The following KCNH5 variants were observed in gnomAD, a reference collection of about 807,000 sequenced individuals.
The protein encoded by KCNH5 is potassium voltage-gated channel subfamily H member 5.
In KCNH5, 46 loss-of-function variants were observed where a neutral mutation model predicts 96.1. The ratio of observed to expected loss-of-function variants is 0.48; its 90% confidence interval spans 0.38 to 0.61. KCNH5 has a LOEUF of 0.61. Among genes scored for constraint, KCNH5 ranks in the 20% least tolerant of loss-of-function variants. The probability of loss-of-function intolerance (pLI) is 0.00; values close to 1 mark genes in which losing one functional copy is unlikely to be tolerated. For synonymous variants in KCNH5, 439 were observed against 449.8 expected (o/e 0.98, Z 0.30); for missense variants, 907 against 1,225.8 (o/e 0.74, Z 3.88).
intron 6 of KCNH5, among the ~76,000 whole-genome samples, chr14:62,975,886 A>G (rs570898643): frequency 6.6e-6 from 1 of 152,298 alleles, no homozygotes; most frequent in Non-Finnish European, 1.5e-5. Flanking sequence ...GACTTTCAGA[A>G]TCTATACACT....
At chr14:62,893,856 T>C (rs1469314834) in intron 7 of KCNH5, among the ~76,000 whole-genome samples, 1 of 152,218 alleles carries the variant, frequency 6.6e-6, no homozygotes, top group Non-Finnish European at 1.5e-5. Context: ...TCAAACAACA[T>C]TGCATGCTAT....
chr14:62,915,765 T>A (rs1889260830), intron 7 of KCNH5, among the ~76,000 whole-genome samples: 1 of 152,136 alleles, frequency 6.6e-6, no homozygotes, highest in Non-Finnish European at 1.5e-5. Context: ...CTACTTGATA[T>A]TAGGCAGTAC....
intron 7 of KCNH5, among the ~76,000 whole-genome samples, chr14:62,889,534 A>G (rs1888662541): frequency 6.6e-6 from 1 of 152,212 alleles, no homozygotes; most frequent in South Asian, 2.1e-4. Flanking sequence ...AGAGCAGCCG[A>G]TGAGCACATT....
chr14:62,832,326 CT>C (rs11333126), intron 8 of KCNH5, among the ~76,000 whole-genome samples: 68,242 of 151,842 alleles, frequency 0.45, 15,728 homozygotes, highest in South Asian at 0.62. Flanking sequence ...TGTTTGACTA[CT>C]TTAGATACCT....
chr14:62,861,133 C>G (rs1212499516), intron 7 of KCNH5, among the ~76,000 whole-genome samples: 1 of 152,148 alleles, frequency 6.6e-6, no homozygotes, highest in Non-Finnish European at 1.5e-5. Context: ...TTAAAAGATG[C>G]AAAGCTGGAC....
intron 8 of KCNH5, among the ~76,000 whole-genome samples, chr14:62,838,960 A>C (rs1029390187): frequency 4.6e-5 from 7 of 152,156 alleles, no homozygotes; most frequent in African/African-American, 1.4e-4. Flanking sequence ...AGCTCATTTG[A>C]TACTTTAGAA....
chr14:62,848,771 CA>C (rs74791242), intron 8 of KCNH5, among the ~76,000 whole-genome samples: 15,316 of 145,966 alleles, frequency 0.1, 1,053 homozygotes, highest in East Asian at 0.3. Flanking sequence ...GTTAAAAGAA[CA>C]AAAAAAAAAA....
In KCNH5 at chr14:62,743,682, C is replaced by T. The variant is rs562596999; in HGVS notation, c.2020-35227G>A. ...TTTATATACAAACCCCCTGCTGGGC[C>T]TCACAGCTGAGGCCAGCAAGGTCCT... On this transcript the variant is annotated intron_variant, in intron 10 of 10. Transcript: ENST00000322893. Among the ~76,000 whole-genome samples the T allele has an allele frequency of 2.6e-5, 4 of 152,218 alleles. No homozygotes were observed. The East Asian group carries it at 7.7e-4, about 29-fold the overall frequency.
chr14:62,950,405 A>G lies in KCNH5; in HGVS notation c.1097T>C (p.Ile366Thr). ...CTCGTAGTCTCCGATGCTATACCAT[A>G]TGCAGGCCAGCCAGTGGGCCACCAG... ...FGLVAHWLAC[I>T]WYSIGDYEVI... Residue 366 changes from isoleucine (I) to threonine (T), a missense_variant, in exon 7 of 11, where the codon ATA (isoleucine) becomes ACA (threonine). By Grantham distance (89) the Ile-to-Thr change is moderately conservative. Coordinates refer to ENST00000322893, the MANE Select transcript of KCNH5 (RefSeq NM_139318.5). 1 of 1,614,024 alleles carries G rather than the reference A, an allele frequency of 6.2e-7. No homozygotes were observed. Among genetic ancestry groups the G allele is most frequent in the Non-Finnish European group, 8.5e-7 (1 of 1,179,992 alleles).
chr14:62,874,552 A>G (rs898757786), intron 7 of KCNH5, among the ~76,000 whole-genome samples: 1 of 152,018 alleles, frequency 6.6e-6, no homozygotes, highest in African/African-American at 2.4e-5. Flanking sequence ...CAAATCAATA[A>G]ATGTAATCCA....
chr14:62,740,859 G>C (rs554853593), intron 10 of KCNH5, among the ~76,000 whole-genome samples: 1 of 152,082 alleles, frequency 6.6e-6, no homozygotes, highest in African/African-American at 2.4e-5. Flanking sequence ...AAACTGATTA[G>C]CTTCGAGCAG....
At chr14:63,040,535 G>C (rs1891803228) in intron 1 of KCNH5, among the ~76,000 whole-genome samples, 1 of 151,924 alleles carries the variant, frequency 6.6e-6, no homozygotes, top group Non-Finnish European at 1.5e-5. Context: ...AACACTGTGT[G>C]GTTTTATCAG....
intron 3 of KCNH5, among the ~76,000 whole-genome samples, chr14:63,004,653 G>A (rs1208530578): frequency 6.6e-6 from 1 of 152,168 alleles, no homozygotes; most frequent in East Asian, 1.9e-4. Context: ...CACCCAGGCT[G>A]GAATACAGTA....
chr14:62,887,088 C>T (rs1888612838), intron 7 of KCNH5, among the ~76,000 whole-genome samples: 2 of 152,126 alleles, frequency 1.3e-5, no homozygotes, highest in African/African-American at 2.4e-5. Context: ...CCTAATTTTG[C>T]TTAAACTCTT....
At chr14:62,985,349 T>C (rs957509177) in intron 5 of KCNH5, among the ~76,000 whole-genome samples, 1 of 152,140 alleles carries the variant, frequency 6.6e-6, no homozygotes, top group Non-Finnish European at 1.5e-5. Flanking sequence ...AAAAACTCCA[T>C]AGTCTTCTAA....
chr14:63,030,312 T>C (rs1294834955), intron 1 of KCNH5, among the ~76,000 whole-genome samples: 1 of 152,210 alleles, frequency 6.6e-6, no homozygotes, highest in African/African-American at 2.4e-5. Flanking sequence ...GAGGCAAGGA[T>C]TTCAGAAGCT....
intron 7 of KCNH5, among the ~76,000 whole-genome samples, chr14:62,890,030 C>T (rs968519913): frequency 2.6e-5 from 4 of 152,184 alleles, no homozygotes; most frequent in Admixed American, 6.5e-5. Flanking sequence ...GCTAGCCATA[C>T]GCAGAAGACT....
chr14:63,001,231 T>C (rs1236977809), intron 4 of KCNH5, 100 bp downstream of exon 4: 19 of 1,017,468 alleles, frequency 1.9e-5, no homozygotes, highest in African/African-American at 3.3e-5. Flanking sequence ...GGCCACATAG[T>C]AGAATTTTGT....
chr14:62,897,720 A>C (rs1439808139), intron 7 of KCNH5, among the ~76,000 whole-genome samples: 1 of 152,206 alleles, frequency 6.6e-6, no homozygotes, highest in Non-Finnish European at 1.5e-5. Context: ...GTTAAAAAAA[A>C]TCAAATGAAA....
Sources: allele counts gnomAD v4.1 joint callset (sites outside exome capture counted in the v4.1 genomes callset), GRCh38; gene constraint gnomAD v4.1.1; transcripts MANE v1.5; gene names NCBI Gene and HGNC (gene_info 2026-07-23, HGNC 2026-07-21).